The following ADGRL3 variants were observed in gnomAD, a reference collection of about 807,000 sequenced individuals.
The protein encoded by ADGRL3 is calcium-independent alpha-latrotoxin receptor 3.
Under a neutral mutation model 153.5 loss-of-function variants are expected in ADGRL3, and 62 were observed. The observed-to-expected ratio is 0.40, with a 90% CI of 0.33 to 0.50. ADGRL3 has a LOEUF of 0.50. ADGRL3 is among the 20% of genes least tolerant of loss of function. ADGRL3 has a pLI of 0.47. For missense variants in ADGRL3, 1,641 were observed against 1,859.4 expected (o/e 0.88, Z 2.16); for synonymous variants, 710 against 672.5 (o/e 1.06, Z -0.86).
chr4:61,258,456 G>A (rs1341160686), intron 1 of ADGRL3, among the ~76,000 whole-genome samples: 3 of 152,176 alleles, frequency 2.0e-5, no homozygotes, highest in African/African-American at 7.2e-5. Context: ...TCTGGGATGA[G>A]TGACCTTGGA....
intron 4 of ADGRL3, among the ~76,000 whole-genome samples, chr4:61,529,742 A>T (rs889006839): frequency 7.9e-5 from 12 of 152,108 alleles, no homozygotes; most frequent in Non-Finnish European, 1.3e-4. Flanking sequence ...TTCATTACAA[A>T]TGGTTCTAAA....
chr4:61,342,748 G>A (rs1385376488), intron 1 of ADGRL3, among the ~76,000 whole-genome samples: 2 of 152,038 alleles, frequency 1.3e-5, no homozygotes, highest in East Asian at 3.9e-4. Flanking sequence ...CTTCTTTTCA[G>A]TGACTTCAAA....
intron 1 of ADGRL3, among the ~76,000 whole-genome samples, chr4:61,261,740 C>T (rs977006650): frequency 2.0e-4 from 30 of 152,232 alleles, no homozygotes; most frequent in Middle Eastern, 3.4e-3. Context: ...GTTACAATGT[C>T]GTCTTTGCAA....
chr4:61,761,853 C>T (rs936187295), intron 8 of ADGRL3, among the ~76,000 whole-genome samples: 5 of 152,086 alleles, frequency 3.3e-5, no homozygotes, highest in African/African-American at 1.2e-4. Flanking sequence ...AGTGCTTGTG[C>T]CCAGGAGCTG....
rs1020016218 is a variant in ADGRL3 at position 61,230,190 on chromosome 4, G to A, written c.-240+28425G>A. Reference sequence around the variant, plus strand: ...TTGCTTAGTGATGGTAAGCGATCACGGCTGTCTGCTAGAAGCCCTTAACAC... The same window carrying A: ...TTGCTTAGTGATGGTAAGCGATCACAGCTGTCTGCTAGAAGCCCTTAACAC... On this transcript the variant is annotated intron_variant, in intron 1 of 26. Transcript: ENST00000683033. Among the ~76,000 whole-genome samples the A allele has an allele frequency of 4.6e-5, 7 of 152,124 alleles. No individual in the cohort carries two copies. The South Asian group carries it at 6.2e-4, about 14-fold the overall frequency.
At chr4:61,771,261 A>G (rs894396665) in intron 8 of ADGRL3, among the ~76,000 whole-genome samples, 2 of 152,310 alleles carry the variant, frequency 1.3e-5, no homozygotes, top group East Asian at 3.9e-4. Context: ...TGCACAAAAC[A>G]TCTGGTATAA....
At chr4:61,269,085 C>G (rs1206450706) in intron 1 of ADGRL3, among the ~76,000 whole-genome samples, 2 of 151,492 alleles carry the variant, frequency 1.3e-5, no homozygotes, top group African/African-American at 4.8e-5. Flanking sequence ...TGAAAGAGAT[C>G]AATATTTTTG....
intron 17 of ADGRL3, among the ~76,000 whole-genome samples, chr4:61,977,109 G>A (rs923847189): frequency 6.6e-6 from 1 of 151,982 alleles, no homozygotes. Context: ...TCTGCATGGA[G>A]TTTTTGAAGA....
At chr4:61,772,247 T>G (rs1187301267) in intron 8 of ADGRL3, among the ~76,000 whole-genome samples, 2 of 152,136 alleles carry the variant, frequency 1.3e-5, no homozygotes, top group Admixed American at 6.5e-5. Context: ...AAATCTTACC[T>G]TCCCTCTCCA....
chr4:61,314,706 T>G (rs1351330892), intron 1 of ADGRL3, among the ~76,000 whole-genome samples: 5 of 152,212 alleles, frequency 3.3e-5, no homozygotes, highest in Non-Finnish European at 7.3e-5. Context: ...TGGAGACATT[T>G]GGCAATGCCT....
chr4:61,260,655 G>A (rs67253259), intron 1 of ADGRL3, among the ~76,000 whole-genome samples: 24,116 of 152,102 alleles, frequency 0.16, 2,190 homozygotes, highest in East Asian at 0.27. Flanking sequence ...AAATTTGACC[G>A]TCACTTGAAT....
At chr4:61,216,956 G>T (rs1397573005) in intron 1 of ADGRL3, among the ~76,000 whole-genome samples, 1 of 152,168 alleles carries the variant, frequency 6.6e-6, no homozygotes, top group African/African-American at 2.4e-5. Flanking sequence ...TCAATTTGTT[G>T]TTGAAGCTGA....
At chr4:61,909,797 G>GTGTT (rs2098713950) in intron 12 of ADGRL3, 52 bp downstream of exon 12, 1 of 1,332,844 alleles carries the variant, frequency 7.5e-7, no homozygotes, top group Admixed American at 2.5e-5. Flanking sequence ...GTGTGTGTGT[G>GTGTT]TGTGTCTTTA....
intron 11 of ADGRL3, among the ~76,000 whole-genome samples, chr4:61,903,203 G>A (rs538728074): frequency 7.5e-4 from 114 of 152,112 alleles, no homozygotes; most frequent in African/African-American, 2.4e-3. Context: ...TCATATTCTT[G>A]GCTTATTCTT....
At chr4:61,675,234 G>T (rs954504987) in intron 5 of ADGRL3, among the ~76,000 whole-genome samples, 5 of 151,844 alleles carry the variant, frequency 3.3e-5, no homozygotes, top group Non-Finnish European at 5.9e-5. Context: ...CACTATCCTT[G>T]CAAGTATTCT....
At chr4:61,866,985 G>T (rs931176916) in intron 9 of ADGRL3, among the ~76,000 whole-genome samples, 1 of 152,030 alleles carries the variant, frequency 6.6e-6, no homozygotes, top group African/African-American at 2.4e-5. Flanking sequence ...GACCGTATAA[G>T]GATTATATTG....
chr4:61,713,249 G>A (rs773133309), intron 6 of ADGRL3, among the ~76,000 whole-genome samples: 2 of 150,934 alleles, frequency 1.3e-5, no homozygotes, highest in African/African-American at 2.4e-5. Flanking sequence ...TTTTGGAGCC[G>A]GTTATGCTTG....
At chr4:61,279,018 C>T (rs996298140) in intron 1 of ADGRL3, among the ~76,000 whole-genome samples, 3 of 152,222 alleles carry the variant, frequency 2.0e-5, no homozygotes, top group East Asian at 3.9e-4. Context: ...CAATTTAGTG[C>T]TTTAAACATG....
At position 62,007,383 on chromosome 4, in the gene ADGRL3, T is replaced by TACACAC. The variant is rs71269038; in HGVS notation, c.3395+9126_3395+9131dup. Among the ~76,000 whole-genome samples, 154 of 30,766 alleles carry TACACAC rather than the reference T, an allele frequency of 5.0e-3. 7 individuals are homozygous for TACACAC. The highest frequency in any genetic ancestry group is 0.042 in the Middle Eastern group (1 of 24). 20.2% of individuals were successfully genotyped at this position (30,766 alleles called of 152,430 possible). On this transcript the variant is annotated intron_variant, in intron 21 of 26. Coordinates refer to ENST00000683033, the MANE Select transcript of ADGRL3 (RefSeq NM_001387552.1). ...ATATATATATATATATATATATATA[T>TACACAC]ACACACACACACATATATATATACA... is the stretch of plus-strand genomic sequence containing the variant.
Sources: gnomAD v4.1 joint callset for allele counts (sites outside exome capture counted in the v4.1 genomes callset) on GRCh38, gnomAD v4.1.1 for gene constraint, MANE v1.5 for transcripts, NCBI Gene and HGNC (gene_info 2026-07-23, HGNC 2026-07-21) for gene names.